The following WFDC1 variants were observed in gnomAD, a reference collection of about 807,000 sequenced individuals.
The protein encoded by WFDC1 is WAP four-disulfide core domain protein 1.
Under a neutral mutation model 32.9 loss-of-function variants are expected in WFDC1, and 39 were observed. The observed-to-expected ratio is 1.19, with a 90% confidence interval of 0.92 to 1.55. WFDC1 has a LOEUF of 1.55. Ranked by LOEUF, WFDC1 falls within the 40% of genes most tolerant of loss-of-function variation. WFDC1 has a pLI of 0.00. For synonymous variants in WFDC1, 184 were observed against 137.4 expected, an observed-to-expected ratio of 1.34 and a Z score of -2.37; for missense variants, 386 against 309.5, an observed-to-expected ratio of 1.25 and a Z score of -1.85.
intron 2 of WFDC1, among the ~76,000 whole-genome samples, chr16:84,315,249 A>G (rs1351958514): frequency 6.6e-6 from 1 of 152,114 alleles, no homozygotes. Context: ...TTCAGGAAAG[A>G]TTTCCCTCTC....
In WFDC1 at chr16:84,294,930, C is replaced by G; in HGVS notation, c.-42C>G. On this transcript the variant is annotated 5_prime_UTR_variant, in exon 1 of 7. Transcript: ENST00000219454. ...ACAGGCCCACGCAGCGAGGGGGGCC[C>G]CTCTTCTGTGTGCGTCTGGAAGGTC... 1 of 1,592,824 alleles carries G rather than the reference C, an allele frequency of 6.3e-7. No individual in the cohort carries two copies. Among genetic ancestry groups the G allele is most frequent in the East Asian group, 2.2e-5 (1 of 44,702 alleles).
Position 84,318,360 on chromosome 16 carries a change from C to G in WFDC1, c.421+5C>G. ...GCCCTGAGGAGGTGTTACAAGGTAC[C>G]TGCCGGGTAAAGCCCAGACCCTACA... On this transcript the variant is annotated splice_donor_5th_base_variant and intron_variant, in intron 3 of 6. Transcript: ENST00000219454. The G allele has an allele frequency of 2.5e-6, 4 of 1,613,834 alleles. No individual in the cohort carries two copies. The highest frequency in any genetic ancestry group is 3.4e-6 in the Non-Finnish European group (4 of 1,179,822).
chr16:84,311,614 G>C (rs914412101), intron 1 of WFDC1, among the ~76,000 whole-genome samples: 1 of 136,482 alleles, frequency 7.3e-6, no homozygotes, highest in Non-Finnish European at 1.5e-5. Context: ...CTGCAGCCTT[G>C]ACCTCCTGGG....
At chr16:84,320,738 C>A (rs1165116257) in intron 4 of WFDC1, among the ~76,000 whole-genome samples, 2 of 152,298 alleles carry the variant, frequency 1.3e-5, no homozygotes, top group African/African-American at 2.4e-5. Flanking sequence ...CACCCAGGGG[C>A]CCCTGTCCCC....
chr16:84,309,881 TGTG>T, intron 1 of WFDC1, among the ~76,000 whole-genome samples: 1 of 151,704 alleles, frequency 6.6e-6, no homozygotes, highest in Non-Finnish European at 1.5e-5. Context: ...TGTGTGTGTG[TGTG>T]TGTGATCTCC....
rs1188132243 is a variant in WFDC1, at chr16:84,312,987, C to T, written c.171C>T (p.Gly57=). 6.7e-6 allele frequency: 8 copies of T among 1,186,136 alleles called. No individual in the cohort carries two copies. Among genetic ancestry groups the T allele is most frequent in the African/African-American group, 4.8e-5 (3 of 62,290 alleles). The allele number at this position is 1,186,136 out of a possible 1,614,324, so 73.5% of individuals were successfully genotyped here. ...CCGAGGAGGCGGGCGCGCCCGGCGG[C>T]CCCCGGCAGCCCCGAGCAGACCGCT... is the stretch of plus-strand genomic sequence containing the variant. The part of the protein sequence containing the change: ...SRAEEAGAPG[G]PRQPRADRCP... Residue 57 remains glycine (G), a synonymous_variant, in exon 2 of 7, where the codon GGC becomes GGT. Coordinates refer to ENST00000219454, the MANE Select transcript of WFDC1 (RefSeq NM_021197.4).
chr16:84,325,451 C>G (rs914731008), intron 5 of WFDC1, among the ~76,000 whole-genome samples: 2 of 152,110 alleles, frequency 1.3e-5, no homozygotes, highest in Admixed American at 1.3e-4. Flanking sequence ...GATCTGCCCG[C>G]CTCGGCCTCC....
At chr16:84,309,198 C>T (rs1042367053) in intron 1 of WFDC1, among the ~76,000 whole-genome samples, 1 of 152,054 alleles carries the variant, frequency 6.6e-6, no homozygotes, top group African/African-American at 2.4e-5. Context: ...GGGCAGTTTG[C>T]TGGCATGTAA....
chr16:84,298,718 G>T (rs75039326), intron 1 of WFDC1, among the ~76,000 whole-genome samples: 9 of 152,156 alleles, frequency 5.9e-5, no homozygotes, highest in African/African-American at 2.2e-4. Context: ...TTTGTGTAGC[G>T]GACTGGTCTC....
chr16:84,299,972 T>C (rs1906839732), intron 1 of WFDC1, among the ~76,000 whole-genome samples: 1 of 152,228 alleles, frequency 6.6e-6, no homozygotes, highest in African/African-American at 2.4e-5. Context: ...GAGCCAGCAG[T>C]GGCCCACAAC....
At chr16:84,300,030 C>T (rs1906842619) in intron 1 of WFDC1, among the ~76,000 whole-genome samples, 1 of 152,250 alleles carries the variant, frequency 6.6e-6, no homozygotes, top group African/African-American at 2.4e-5. Flanking sequence ...TTTCTGTGAG[C>T]TCTTGAGAGC....
Position 84,303,941 on chromosome 16 carries a change from G to C in WFDC1, c.144+8826G>C, listed in dbSNP as rs558974163. On this transcript the variant is annotated intron_variant, in intron 1 of 6. Transcript: ENST00000219454. ...ATCCAGTATGTGCTATTTGGTGTCT[G>C]GCTTATTCACACTGTTTTATATGTT... Among the ~76,000 whole-genome samples the C allele has an allele frequency of 2.6e-5, 4 of 152,298 alleles. No individual in the cohort carries two copies. The South Asian group carries it at 6.2e-4, about 24-fold the overall frequency.
In WFDC1 at chr16:84,294,960, C is replaced by T. The variant is rs1171624023; in HGVS notation, c.-12C>T. 6.2e-7 allele frequency: 1 copy of T among 1,608,884 alleles called. No individual in the cohort carries two copies. The highest frequency in any genetic ancestry group is 8.5e-7 in the Non-Finnish European group (1 of 1,177,370). ...TCTGTGTGCGTCTGGAAGGTCGCTG[C>T]CCAGGGAGGAAATGCCTTTAACCGG... is the stretch of plus-strand genomic sequence containing the variant. On this transcript the variant is annotated 5_prime_UTR_variant, in exon 1 of 7. Coordinates refer to ENST00000219454, the MANE Select transcript of WFDC1 (RefSeq NM_021197.4).
At chr16:84,308,164 G>A (rs952323205) in intron 1 of WFDC1, among the ~76,000 whole-genome samples, 22 of 152,048 alleles carry the variant, frequency 1.4e-4, no homozygotes, top group Non-Finnish European at 3.1e-4. Context: ...ACCACCCCCC[G>A]CTCCTGCTTG....
At chr16:84,319,283 C>T in intron 3 of WFDC1, 148 bp from the exon 4 acceptor site, 2 of 1,086,388 alleles carry the variant, frequency 1.8e-6, no homozygotes, top group South Asian at 1.6e-5. Context: ...CAGGGCCTAG[C>T]CTGGAACCTG....
At chr16:84,322,304 C>T (rs1270211812) in intron 4 of WFDC1, among the ~76,000 whole-genome samples, 1 of 152,090 alleles carries the variant, frequency 6.6e-6, no homozygotes, top group Non-Finnish European at 1.5e-5. Context: ...TGGTAATTTA[C>T]TGGTAATTAT....
chr16:84,318,865 C>T (rs564637016), intron 3 of WFDC1: 27 of 201,090 alleles, frequency 1.3e-4, no homozygotes, highest in African/African-American at 5.3e-4. Flanking sequence ...AGTGTGCGGC[C>T]GTATATGCAA....
In WFDC1 at chr16:84,311,318, C is replaced by A. The variant is rs1457983949; in HGVS notation, c.145-1643C>A. ...GGAGTGCAATGGCTCGATCTTGGCT[C>A]ACTGCAAGCTCCGACTCCCAGGTCC... is the stretch of plus-strand genomic sequence containing the variant. On this transcript the variant is annotated intron_variant, in intron 1 of 6. Transcript: ENST00000219454. 2.0e-5 allele frequency among the ~76,000 whole-genome samples: 3 copies of A among 150,562 alleles called. No homozygotes were observed. The East Asian group carries it at 5.9e-4, about 29-fold the overall frequency.
chr16:84,312,095 G>A (rs1041987818), intron 1 of WFDC1, among the ~76,000 whole-genome samples: 1 of 152,148 alleles, frequency 6.6e-6, no homozygotes, highest in Non-Finnish European at 1.5e-5. Context: ...AACCCAGGAG[G>A]TGGAGGTTGT....
Sources: gnomAD v4.1 joint callset for allele counts (sites outside exome capture counted in the v4.1 genomes callset) on GRCh38, gnomAD v4.1.1 for gene constraint, MANE v1.5 for transcripts, NCBI Gene and HGNC (gene_info 2026-07-23, HGNC 2026-07-21) for gene names.